Variants in CLTC observed in about 807,000 individuals in gnomAD.
CLTC encodes clathrin heavy chain, also known as clathrin heavy chain 1.
Under a neutral mutation model 195.8 loss-of-function variants are expected in CLTC, and 16 were observed. That is an observed-to-expected ratio of 0.08 (90% confidence interval 0.06 to 0.12). CLTC has a LOEUF of 0.12. CLTC is among the 10% of genes least tolerant of loss of function. The pLI is 1.00. For missense variants in CLTC, 796 were observed against 2,027.0 expected (o/e 0.39, Z 11.66); for synonymous variants, 667 against 689.4 (o/e 0.97, Z 0.51).
In CLTC at chr17:59,664,410, A is replaced by G. The variant is rs527679717; in HGVS notation, c.1522-377A>G. Among the ~76,000 whole-genome samples the G allele has an allele frequency of 7.2e-5, 11 of 152,190 alleles. No individual in the cohort carries two copies. In the South Asian group the frequency reaches 2.3e-3, roughly 32 times the overall value. ...TTACTAAAAATACAAAAAAGTAGCC[A>G]GGCGTGGTGGTGTGTCTGTGGTCTT... On this transcript the variant is annotated intron_variant, in intron 9 of 31. Transcript: ENST00000269122.
intron 3 of CLTC, 112 bp downstream of exon 3, chr17:59,647,778 C>A: frequency 1.0e-6 from 1 of 997,260 alleles, no homozygotes; most frequent in Non-Finnish European, 1.5e-6. Flanking sequence ...TTGAATTTCA[C>A]TTATTTTGGA....
intron 5 of CLTC, among the ~76,000 whole-genome samples, chr17:59,653,488 C>T (rs866589168): frequency 2.6e-4 from 39 of 151,766 alleles, no homozygotes; most frequent in African/African-American, 7.5e-4. Flanking sequence ...CCACCACGCC[C>T]GGCCTCCTCT....
In CLTC at chr17:59,632,734, C is replaced by G. The variant is rs374579955; in HGVS notation, c.43-11542C>G. On this transcript the variant is annotated intron_variant, in intron 1 of 31. Transcript: ENST00000269122. Reference sequence around the variant, plus strand: ...ATCAAAGTAATACTAGTTTTTTAACCCTGAATTTTAGATAGTGAAGCAGTG... The same window carrying G: ...ATCAAAGTAATACTAGTTTTTTAACGCTGAATTTTAGATAGTGAAGCAGTG... Among the ~76,000 whole-genome samples, 6 of 152,162 alleles carry G rather than the reference C, an allele frequency of 3.9e-5. No homozygotes were observed. In the South Asian group the frequency reaches 1.2e-3, roughly 32 times the overall value.
rs919818654 is a variant in CLTC at position 59,663,959 on chromosome 17, G to T, written c.1486G>T (p.Gly496Cys). The change falls in exon 9 of 32, where the codon GGT becomes TGT. Residue 496 changes from glycine to cysteine, a missense_variant. This residue lies in a region of CLTC where 293 missense variants were observed against 795.6 expected (regional missense o/e 0.37). Transcript: ENST00000269122. ...AGTCATTCAGTGCTTTGCAGAAACA[G>T]GTCAAGTCCAAAAGATTGTTTTATA... is the stretch of plus-strand genomic sequence containing the variant. ...NKVIQCFAET[G>C]QVQKIVLYAK... is the part of the protein sequence containing the mutation. The T allele has an allele frequency of 6.2e-7, 1 of 1,613,424 alleles. No homozygotes were observed. The highest frequency in any genetic ancestry group is 8.5e-7 in the Non-Finnish European group (1 of 1,179,800).
intron 6 of CLTC, among the ~76,000 whole-genome samples, chr17:59,658,350 T>C (rs2032526023): frequency 6.6e-6 from 1 of 152,236 alleles, no homozygotes; most frequent in African/African-American, 2.4e-5. Flanking sequence ...TTTTTGTTTC[T>C]GCTGTTGTGC....
chr17:59,683,583 A>G lies in CLTC; in HGVS notation c.4192-42A>G. ...TAAAGGATTCAGAAGGAGAAAGCTCATTAGGAAGTAACTGACTTATGTATG... is the reference window on the plus strand; with the variant it reads ...TAAAGGATTCAGAAGGAGAAAGCTCGTTAGGAAGTAACTGACTTATGTATG... On this transcript the variant is annotated intron_variant, in intron 26 of 31. Coordinates refer to ENST00000269122, the MANE Select transcript of CLTC (RefSeq NM_004859.4). This position sits in a 1 kb window ranked among gnomAD's most constrained non-coding sequence, Gnocchi z 6.1. 6 of 1,613,380 alleles carry G rather than the reference A, an allele frequency of 3.7e-6. No homozygotes were observed. The highest frequency in any genetic ancestry group is 8.5e-7 in the Non-Finnish European group (1 of 1,179,476).
chr17:59,624,454 CTTTTTTT>C (rs5821272), intron 1 of CLTC, among the ~76,000 whole-genome samples: 100 of 98,146 alleles, frequency 1.0e-3, no homozygotes, highest in African/African-American at 2.9e-3. Context: ...GAGCCACATA[CTTTTTTT>C]TTTTTTTTTT....
At position 59,683,820 on chromosome 17, in the gene CLTC, T is replaced by TG; in HGVS notation, c.4324-54dup. On this transcript the variant is annotated intron_variant, in intron 27 of 31. Transcript: ENST00000269122. This position sits in a 1 kb window ranked among gnomAD's most constrained non-coding sequence, Gnocchi z 6.1. ...AATTAGGACATACTTCGATAACTTTTGTCCCTGGGACTTCAATAATGTGCT... is the reference window on the plus strand; with the variant it reads ...AATTAGGACATACTTCGATAACTTTTGGTCCCTGGGACTTCAATAATGTGCT... The TG allele has an allele frequency of 6.2e-7, 1 of 1,612,276 alleles. No homozygotes were observed. The highest frequency in any genetic ancestry group is 1.1e-5 in the South Asian group (1 of 91,042).
Position 59,696,642 on chromosome 17 carries a change from G to A in CLTC, c.*2790G>A, listed in dbSNP as rs903266255. On this transcript the variant is annotated 3_prime_UTR_variant, in exon 32 of 32. Transcript: ENST00000269122. The stretch of plus-strand genomic sequence containing the variant: ...AGTAATTATTAGGATTGTATCAAGT[G>A]TATCTAAAGATCAAAAGGGAAAAAA... 9.4e-5 allele frequency: 20 copies of A among 212,076 alleles called. No homozygotes were observed. The highest frequency in any genetic ancestry group is 1.9e-4 in the Non-Finnish European group (20 of 104,880). 13.1% of individuals were successfully genotyped at this position (212,076 alleles called of 1,614,324 possible).
rs753042824 is a variant in CLTC at position 59,666,778 on chromosome 17, CATTT to C, written c.1948-14_1948-11del. Reference sequence around the variant, plus strand: ...ACATTATTTCATTTATTCATTCATTCATTTATTTTGTCTTGTAGTGGTTAGTCAA... The same window carrying C: ...ACATTATTTCATTTATTCATTCATTCATTTTGTCTTGTAGTGGTTAGTCAA... On this transcript the variant is annotated splice_polypyrimidine_tract_variant and intron_variant, in intron 12 of 31. Coordinates refer to ENST00000269122, the MANE Select transcript of CLTC (RefSeq NM_004859.4). This position sits in a 1 kb window ranked among gnomAD's most constrained non-coding sequence, Gnocchi z 4.9. 3.1e-6 allele frequency: 5 copies of C among 1,588,292 alleles called. No individual in the cohort carries two copies. The African/African-American group carries it at 4.1e-5, about 13-fold the overall frequency.
rs1479241158 is a variant in CLTC at position 59,642,008 on chromosome 17, T to G, written c.43-2268T>G. 6.6e-5 allele frequency among the ~76,000 whole-genome samples: 10 copies of G among 151,364 alleles called. No individual in the cohort carries two copies. In the East Asian group the frequency reaches 9.7e-4, roughly 15 times the overall value. The stretch of plus-strand genomic sequence containing the variant: ...AGGCCAAATCTTTGTTGTTTTTTTT[T>G]TTTTTTTTTTTTTTTACAAGTAAAA... On this transcript the variant is annotated intron_variant, in intron 1 of 31. Transcript: ENST00000269122.
In CLTC at chr17:59,674,852, C is replaced by T. The variant is rs570831773; in HGVS notation, c.2561+9C>T. On this transcript the variant is annotated intron_variant, in intron 16 of 31. Coordinates refer to ENST00000269122, the MANE Select transcript of CLTC (RefSeq NM_004859.4). Reference sequence around the variant, plus strand: ...GTTGAAAAAAGAAACAGGTGTAGTACCATTTTAACAGGGATAAGTTACTCT... The same window carrying T: ...GTTGAAAAAAGAAACAGGTGTAGTATCATTTTAACAGGGATAAGTTACTCT... The T allele has an allele frequency of 6.2e-7, 1 of 1,610,432 alleles. No individual in the cohort carries two copies. The highest frequency in any genetic ancestry group is 2.2e-5 in the East Asian group (1 of 44,680).
intron 6 of CLTC, chr17:59,658,924 G>A (rs922630943): frequency 6.6e-6 from 1 of 152,164 alleles, no homozygotes. Context: ...AAATCTTGGA[G>A]GTTGAAATTT....
At chr17:59,635,166 A>G (rs894794236) in intron 1 of CLTC, among the ~76,000 whole-genome samples, 6 of 151,640 alleles carry the variant, frequency 4.0e-5, no homozygotes, top group African/African-American at 1.5e-4. Flanking sequence ...TTTGCAGAAA[A>G]TAGCTCCATC....
intron 17 of CLTC, 70 bp downstream of exon 17, chr17:59,677,258 T>A: frequency 8.6e-7 from 1 of 1,160,708 alleles, no homozygotes; most frequent in Non-Finnish European, 1.3e-6. Context: ...AGTTTCAGGG[T>A]AATTTTAGGT....
Position 59,681,325 on chromosome 17 carries a change from A to C in CLTC, c.3096A>C (p.Ala1032=), listed in dbSNP as rs150533662. The part of the protein sequence containing the change: ...RNLQNLLILT[A]IKADRTRVME... ...TGCAAAACCTCCTTATCCTCACTGCAATTAAGGCTGACCGTACACGTGTTA... is the reference window on the plus strand; with the variant it reads ...TGCAAAACCTCCTTATCCTCACTGCCATTAAGGCTGACCGTACACGTGTTA... The change falls in exon 20 of 32, where the codon GCA becomes GCC. Residue 1032 remains alanine (A), a synonymous_variant. Transcript: ENST00000269122. This position sits in a 1 kb window ranked among gnomAD's most constrained non-coding sequence, Gnocchi z 5.0. 100 of 1,613,836 alleles carry C rather than the reference A, an allele frequency of 6.2e-5. No individual in the cohort carries two copies. The highest frequency in any genetic ancestry group is 8.1e-5 in the Non-Finnish European group (96 of 1,179,908).
rs200153124 is a variant in CLTC at position 59,695,834 on chromosome 17, GA to G, written c.*1992del. ...CCCTCAGTGCAAATATCAACACAGA[GA>G]AAAAAAAAATAATAATAGTATTATG... On this transcript the variant is annotated 3_prime_UTR_variant, in exon 32 of 32. Coordinates refer to ENST00000269122, the MANE Select transcript of CLTC (RefSeq NM_004859.4). 174 of 91,768 alleles carry G rather than the reference GA, an allele frequency of 1.9e-3. 1 individual carries two copies. Among genetic ancestry groups the G allele is most frequent in the Non-Finnish European group, 2.8e-3 (127 of 45,330 alleles). The allele number at this position is 91,768 out of a possible 1,614,324, so 5.7% of individuals were successfully genotyped here.
chr17:59,656,003 A>C lies in CLTC; in HGVS notation c.945A>C (p.Ile315=). 1 of 1,611,738 alleles carries C rather than the reference A, an allele frequency of 6.2e-7. No individual in the cohort carries two copies. The highest frequency in any genetic ancestry group is 1.7e-4 in the Middle Eastern group (1 of 6,052). ...CACCTCATGAAGCCACAGCTGGAAT[A>C]ATTGGAGTAAACAGAAAGGGACAAG... The part of the protein sequence containing the change: ...VTAPHEATAG[I]IGVNRKGQVL... The change falls in exon 6 of 32, where the codon ATA becomes ATC. Residue 315 remains isoleucine (I), a synonymous_variant. Transcript: ENST00000269122.
At chr17:59,663,161 A>T (rs540529320) in intron 8 of CLTC, among the ~76,000 whole-genome samples, 2 of 152,360 alleles carry the variant, frequency 1.3e-5, no homozygotes, top group East Asian at 3.9e-4. Flanking sequence ...GCTAGTCCCC[A>T]AAGTAGAAAA....
Sources: allele counts gnomAD v4.1 joint callset (sites outside exome capture counted in the v4.1 genomes callset), GRCh38; gene constraint gnomAD v4.1.1; regional missense constraint gnomAD v4.1.1; non-coding constraint Gnocchi (gnomAD v3.1); transcripts MANE v1.5; gene names NCBI Gene and HGNC (gene_info 2026-07-23, HGNC 2026-07-21).